Variants in SLIT3 observed in about 807,000 individuals in gnomAD.
The protein encoded by SLIT3 is slit guidance ligand 3.
SLIT3 carries 68 observed loss-of-function variants against 184.0 expected under a neutral mutation model. That is an observed-to-expected ratio of 0.37 (90% CI 0.30 to 0.45). The LOEUF (loss-of-function observed/expected upper bound fraction) is 0.45, where lower values mean the gene tolerates loss of function less well. Among genes scored for constraint, SLIT3 ranks in the 20% least tolerant of loss-of-function variants. SLIT3 has a pLI of 1.00. For synonymous variants in SLIT3, 831 were observed against 828.6 expected (o/e 1.00, Z -0.05); for missense variants, 1,707 against 2,026.0 (o/e 0.84, Z 3.02).
intron 4 of SLIT3, among the ~76,000 whole-genome samples, chr5:169,073,052 G>A (rs1001898655): frequency 2.0e-5 from 3 of 152,168 alleles, no homozygotes; most frequent in Admixed American, 1.3e-4. Flanking sequence ...CTCACACAAC[G>A]CAGGGAGAGT....
Position 168,671,278 on chromosome 5 carries a change from G to T in SLIT3, c.4047C>A (p.Asp1349Glu). 6.2e-7 allele frequency: 1 copy of T among 1,613,786 alleles called. No homozygotes were observed. The highest frequency in any genetic ancestry group is 1.1e-5 in the South Asian group (1 of 91,066). Residue 1349 changes from aspartate (D) to glutamate (E), a missense_variant, in exon 34 of 36, where the codon GAC becomes GAA. Physicochemically the swap from Asp to Glu is conservative, Grantham distance 45. Coordinates refer to ENST00000519560, the MANE Select transcript of SLIT3 (RefSeq NM_003062.4). ...CTGGGCGGCACTCGCACACCACGCT[G>T]TCCTTCTCCACGGAGCGGCACAGGC... is the stretch of plus-strand genomic sequence containing the variant. ...KHGLCRSVEK[D>E]SVVCECRPGW...
chr5:168,672,667 T>A (rs985547158), intron 33 of SLIT3, among the ~76,000 whole-genome samples: 10 of 151,992 alleles, frequency 6.6e-5, no homozygotes, highest in Non-Finnish European at 1.5e-4. Context: ...AGAGATGAGG[T>A]CTCACTGTGT....
chr5:169,072,144 T>G (rs1252438049), intron 4 of SLIT3, among the ~76,000 whole-genome samples: 1 of 152,140 alleles, frequency 6.6e-6, no homozygotes, highest in Non-Finnish European at 1.5e-5. Context: ...GGGGTCTTCC[T>G]GCAGTGATGG....
chr5:169,206,375 T>A (rs1008056651), intron 3 of SLIT3, among the ~76,000 whole-genome samples: 1 of 152,236 alleles, frequency 6.6e-6, no homozygotes, highest in African/African-American at 2.4e-5. Flanking sequence ...AGATTCTCCA[T>A]GTTCTCTCTG....
chr5:168,907,895 C>CAT (rs557118585), intron 4 of SLIT3, among the ~76,000 whole-genome samples: 4 of 82,182 alleles, frequency 4.9e-5, no homozygotes, highest in African/African-American at 1.6e-4. Context: ...TGATATATAT[C>CAT]ATATATATAT....
At chr5:168,987,442 CCTAG>C (rs1755169004) in intron 4 of SLIT3, among the ~76,000 whole-genome samples, 1 of 152,220 alleles carries the variant, frequency 6.6e-6, no homozygotes, top group South Asian at 2.1e-4. Flanking sequence ...GGTTTCAAAT[CCTAG>C]CTCTTTGCTG....
chr5:169,255,975 G>A (rs72837975), intron 1 of SLIT3, among the ~76,000 whole-genome samples: 18,323 of 152,200 alleles, frequency 0.12, 1,280 homozygotes, highest in Non-Finnish European at 0.14. Context: ...TGTTTGTCAA[G>A]TCAACAGTAG....
rs546788994 is a variant in SLIT3, at chr5:169,052,914, G to C, written c.413+140565C>G. 1.0e-3 allele frequency among the ~76,000 whole-genome samples: 155 copies of C among 148,168 alleles called. 1 individual carries two copies. The highest frequency in any genetic ancestry group is 3.5e-3 in the African/African-American group (145 of 40,916). ...CTGTTTCAAAGGATAGGCAGATGTT[G>C]CAGAGAACCACCGCCTCCAGGTAAA... is the stretch of plus-strand genomic sequence containing the variant. On this transcript the variant is annotated intron_variant, in intron 4 of 35. Transcript: ENST00000519560.
intron 1 of SLIT3, among the ~76,000 whole-genome samples, chr5:169,255,941 A>G (rs1765947452): frequency 6.6e-6 from 1 of 152,182 alleles, no homozygotes; most frequent in Non-Finnish European, 1.5e-5. Context: ...ATGTACAAAT[A>G]TTTAGCATAG....
intron 22 of SLIT3, 103 bp downstream of exon 22, chr5:168,722,830 G>A: frequency 1.1e-6 from 1 of 876,386 alleles, no homozygotes; most frequent in Non-Finnish European, 1.9e-6. Context: ...AGGCCTGAGG[G>A]TCATTAGGGC....
At chr5:169,191,144 T>C (rs1037064702) in intron 4 of SLIT3, among the ~76,000 whole-genome samples, 3 of 152,162 alleles carry the variant, frequency 2.0e-5, no homozygotes, top group African/African-American at 7.2e-5. Flanking sequence ...CCTTACTGAA[T>C]GCGTGAGTGA....
chr5:169,195,304 A>C (rs1377157477), intron 3 of SLIT3, among the ~76,000 whole-genome samples: 1 of 152,140 alleles, frequency 6.6e-6, no homozygotes, highest in Non-Finnish European at 1.5e-5. Context: ...GACTAGAAGG[A>C]GGTCAAGCAG....
intron 3 of SLIT3, among the ~76,000 whole-genome samples, chr5:169,213,151 A>G (rs1034793509): frequency 1.6e-4 from 25 of 152,190 alleles, no homozygotes; most frequent in Admixed American, 6.5e-5. Flanking sequence ...AATCACAAGC[A>G]TTCCTATACA....
At chr5:168,830,585 T>C (rs965192567) in intron 6 of SLIT3, among the ~76,000 whole-genome samples, 2 of 152,218 alleles carry the variant, frequency 1.3e-5, no homozygotes, top group Non-Finnish European at 2.9e-5. Flanking sequence ...GCAGAAATAA[T>C]GCTGATACTA....
At chr5:168,930,497 C>T (rs1021010195) in intron 4 of SLIT3, among the ~76,000 whole-genome samples, 1 of 152,158 alleles carries the variant, frequency 6.6e-6, no homozygotes, top group African/African-American at 2.4e-5. Context: ...ATGTAAACCC[C>T]TCCCAGCCTT....
In SLIT3 at chr5:168,772,881, C is replaced by T; in HGVS notation, c.1359G>A (p.Gln453=). ...CCCCGCTTGTCTCGATGGGGTTGTC[C>T]TGGAGGTAGTCGGCCAGCCACTTCA... ...CHLKWLADYL[Q]DNPIETSGAR... The change falls in exon 14 of 36, where the codon CAG becomes CAA. Residue 453 remains glutamine, a synonymous_variant. Coordinates refer to ENST00000519560, the MANE Select transcript of SLIT3 (RefSeq NM_003062.4). The T allele has an allele frequency of 6.2e-7, 1 of 1,613,766 alleles. No homozygotes were observed. Among genetic ancestry groups the T allele is most frequent in the South Asian group, 1.1e-5 (1 of 91,038 alleles).
intron 4 of SLIT3, among the ~76,000 whole-genome samples, chr5:169,002,445 A>G (rs1211473210): frequency 1.3e-5 from 2 of 151,648 alleles, no homozygotes; most frequent in East Asian, 3.9e-4. Flanking sequence ...TGGTCTGGGA[A>G]GTGAAGAGTT....
intron 4 of SLIT3, among the ~76,000 whole-genome samples, chr5:168,980,186 C>G (rs1012223181): frequency 2.6e-5 from 4 of 152,056 alleles, no homozygotes; most frequent in African/African-American, 9.7e-5. Context: ...AGAGCTAGAC[C>G]AGTTCTACAT....
chr5:169,121,308 T>C (rs1760863256), intron 4 of SLIT3, among the ~76,000 whole-genome samples: 1 of 152,166 alleles, frequency 6.6e-6, no homozygotes, highest in South Asian at 2.1e-4. Flanking sequence ...TTGATTTCAT[T>C]CAAGAGAGGG....
Sources: allele counts gnomAD v4.1 joint callset (sites outside exome capture counted in the v4.1 genomes callset), GRCh38; gene constraint gnomAD v4.1.1; transcripts MANE v1.5; gene names NCBI Gene and HGNC (gene_info 2026-07-23, HGNC 2026-07-21).